BANK1: variants seen among roughly 807,000 people sequenced by gnomAD.
The protein encoded by BANK1 is B-cell scaffold protein with ankyrin repeats.
BANK1 carries 95 observed loss-of-function variants against 94.5 expected under a neutral mutation model. That is an observed-to-expected ratio of 1.00 (90% CI 0.85 to 1.19). The LOEUF is 1.19. BANK1 is among the 50% of genes most tolerant of loss of function. BANK1 has a pLI of 0.00. For missense variants in BANK1, 987 were observed against 932.2 expected (o/e 1.06, Z -0.77); for synonymous variants, 334 against 308.4 (o/e 1.08, Z -0.87).
intron 7 of BANK1, among the ~76,000 whole-genome samples, chr4:102,012,799 C>T (rs1726552985): frequency 2.0e-5 from 3 of 151,618 alleles, no homozygotes; most frequent in South Asian, 2.1e-4. Flanking sequence ...TTCTTTGACC[C>T]GTAATCAAAT....
At chr4:102,018,980 A>G (rs966995022) in intron 7 of BANK1, among the ~76,000 whole-genome samples, 3 of 151,670 alleles carry the variant, frequency 2.0e-5, no homozygotes, top group African/African-American at 7.3e-5. Flanking sequence ...ACCATGCCCA[A>G]CTAATTTTTG....
At chr4:101,908,900 G>A (rs1176186941) in intron 6 of BANK1, among the ~76,000 whole-genome samples, 4 of 152,166 alleles carry the variant, frequency 2.6e-5, no homozygotes, top group Non-Finnish European at 5.9e-5. Flanking sequence ...TAAAAAGTCA[G>A]GAAACAACAG....
chr4:101,791,552 T>C (rs1205017876), intron 1 of BANK1, among the ~76,000 whole-genome samples: 1 of 152,254 alleles, frequency 6.6e-6, no homozygotes, highest in East Asian at 1.9e-4. Context: ...CAAATGGACG[T>C]TAAGGCAGTT....
chr4:101,880,304 C>A (rs943385442), intron 5 of BANK1, among the ~76,000 whole-genome samples: 15 of 151,750 alleles, frequency 9.9e-5, no homozygotes, highest in Admixed American at 2.0e-4. Context: ...AGTGAACAAT[C>A]TGAACAAGAA....
intron 5 of BANK1, among the ~76,000 whole-genome samples, chr4:101,887,318 G>A (rs950322417): frequency 3.9e-5 from 6 of 152,120 alleles, no homozygotes; most frequent in African/African-American, 7.2e-5. Flanking sequence ...AAAGTTATGC[G>A]TTATTTAATT....
At chr4:101,957,120 A>G (rs565738825) in intron 7 of BANK1, among the ~76,000 whole-genome samples, 1 of 152,190 alleles carries the variant, frequency 6.6e-6, no homozygotes, top group Non-Finnish European at 1.5e-5. Flanking sequence ...TAATGAGAAG[A>G]TACAGAATCT....
intron 7 of BANK1, among the ~76,000 whole-genome samples, chr4:101,975,199 G>C (rs1725085017): frequency 6.6e-6 from 1 of 152,148 alleles, no homozygotes; most frequent in Admixed American, 6.6e-5. Flanking sequence ...ATCTAAGCTT[G>C]TTTTAAATAA....
intron 1 of BANK1, among the ~76,000 whole-genome samples, chr4:101,819,157 T>C (rs1172422689): frequency 6.6e-6 from 1 of 152,148 alleles, no homozygotes; most frequent in Non-Finnish European, 1.5e-5. Context: ...ACCATGGTGG[T>C]ATTTTCAGTC....
chr4:101,982,297 A>G (rs1725348855), intron 7 of BANK1, among the ~76,000 whole-genome samples: 1 of 151,848 alleles, frequency 6.6e-6, no homozygotes, highest in East Asian at 1.9e-4. Context: ...ATATTTTAAG[A>G]CAGAACTTTA....
intron 6 of BANK1, among the ~76,000 whole-genome samples, chr4:101,896,278 G>A (rs1253744545): frequency 1.3e-5 from 2 of 151,962 alleles, no homozygotes; most frequent in Non-Finnish European, 2.9e-5. Context: ...AAGTAGAGAT[G>A]TAATGGTGAA....
chr4:101,796,557 T>C (rs1207044827), intron 1 of BANK1, among the ~76,000 whole-genome samples: 2 of 152,168 alleles, frequency 1.3e-5, no homozygotes, highest in Non-Finnish European at 1.5e-5. Flanking sequence ...CCTGCCTTTA[T>C]TAGTGAAATT....
At chr4:101,995,719 G>GT (rs769822157) in intron 7 of BANK1, among the ~76,000 whole-genome samples, 3 of 152,036 alleles carry the variant, frequency 2.0e-5, no homozygotes, top group African/African-American at 2.4e-5. Flanking sequence ...TTTTTCATAT[G>GT]TTTTTTGGCC....
At chr4:101,844,119 T>G (rs935898899) in intron 2 of BANK1, among the ~76,000 whole-genome samples, 15 of 152,124 alleles carry the variant, frequency 9.9e-5, no homozygotes, top group African/African-American at 3.4e-4. Flanking sequence ...GTAAAGATTA[T>G]TGATTATGGA....
intron 6 of BANK1, among the ~76,000 whole-genome samples, chr4:101,898,057 A>T (rs1183252529): frequency 2.6e-5 from 4 of 151,970 alleles, no homozygotes; most frequent in African/African-American, 9.7e-5. Context: ...ATTGCTGGGT[A>T]TTATTGCATA....
chr4:101,989,577 A>G (rs1725631325), intron 7 of BANK1, among the ~76,000 whole-genome samples: 1 of 151,990 alleles, frequency 6.6e-6, no homozygotes, highest in South Asian at 2.1e-4. Context: ...GGGGGCCAAG[A>G]TTCAAACTGG....
intron 5 of BANK1, among the ~76,000 whole-genome samples, chr4:101,884,158 G>T (rs570123641): frequency 6.3e-4 from 96 of 152,288 alleles, no homozygotes; most frequent in African/African-American, 2.3e-3. Context: ...TTCTAAGAAT[G>T]CTTCCCCACC....
At chr4:101,897,445 A>T (rs1306736600) in intron 6 of BANK1, among the ~76,000 whole-genome samples, 1 of 152,016 alleles carries the variant, frequency 6.6e-6, no homozygotes, top group Non-Finnish European at 1.5e-5. Flanking sequence ...GAGCTAAAAA[A>T]GCTGAGACAA....
intron 10 of BANK1, among the ~76,000 whole-genome samples, chr4:102,039,931 C>T (rs549885287): frequency 1.3e-5 from 2 of 152,204 alleles, no homozygotes; most frequent in South Asian, 2.1e-4. Flanking sequence ...TAACATTTCA[C>T]TGTTCACATC....
chr4:102,031,718 T>A (rs1727322308), intron 10 of BANK1, among the ~76,000 whole-genome samples: 1 of 152,124 alleles, frequency 6.6e-6, no homozygotes, highest in Non-Finnish European at 1.5e-5. Flanking sequence ...ATAAATAATA[T>A]GCAACACAAG....
Sources: gnomAD v4.1 joint callset for allele counts (sites outside exome capture counted in the v4.1 genomes callset) on GRCh38, gnomAD v4.1.1 for gene constraint, MANE v1.5 for transcripts, NCBI Gene and HGNC (gene_info 2026-07-23, HGNC 2026-07-21) for gene names.